PDE1A: variants seen among roughly 807,000 people sequenced by gnomAD.
PDE1A encodes dual specificity calcium/calmodulin-dependent 3',5'-cyclic nucleotide phosphodiesterase 1A.
Under a neutral mutation model 61.7 loss-of-function variants are expected in PDE1A, and 35 were observed. That is an observed-to-expected ratio of 0.57 (90% CI 0.43 to 0.75). The LOEUF is 0.75. Ranked by LOEUF, PDE1A falls within the 30% of genes least tolerant of loss-of-function variation. The pLI is 0.00. For synonymous variants in PDE1A, 232 were observed against 213.2 expected, an observed-to-expected ratio of 1.09 and a Z score of -0.77; for missense variants, 597 against 630.6, an observed-to-expected ratio of 0.95 and a Z score of 0.57.
chr2:182,294,638 C>T (rs2125897366), intron 1 of PDE1A, among the ~76,000 whole-genome samples: 1 of 152,282 alleles, frequency 6.6e-6, no homozygotes, highest in African/African-American at 2.4e-5. Flanking sequence ...TCAGCATCAG[C>T]TAATCGGGCA....
At chr2:182,283,623 T>G (rs1693968974) in intron 1 of PDE1A, among the ~76,000 whole-genome samples, 1 of 152,072 alleles carries the variant, frequency 6.6e-6, no homozygotes, top group Non-Finnish European at 1.5e-5. Context: ...ATCTTGAGTT[T>G]TACAAAGATA....
chr2:182,499,807 G>C (rs1688980929), intron 2 of PDE1A, among the ~76,000 whole-genome samples: 1 of 152,158 alleles, frequency 6.6e-6, no homozygotes, highest in Middle Eastern at 3.4e-3. Flanking sequence ...GGAACTATTG[G>C]AGAAGCTCAT....
intron 13 of PDE1A, among the ~76,000 whole-genome samples, chr2:182,182,241 A>G (rs1035018274): frequency 2.6e-5 from 4 of 152,214 alleles, no homozygotes; most frequent in Non-Finnish European, 4.4e-5. Flanking sequence ...AAAACCAAAA[A>G]GCCTGGCATC....
At chr2:182,270,914 G>A (rs1318502712) in intron 1 of PDE1A, among the ~76,000 whole-genome samples, 1 of 151,754 alleles carries the variant, frequency 6.6e-6, no homozygotes. Flanking sequence ...CGATGCTCAG[G>A]AAATTAAACC....
At chr2:182,636,179 C>G in the PDE1A span, among the ~76,000 whole-genome samples, 1 of 151,608 alleles carries the variant, frequency 6.6e-6, no homozygotes, top group Non-Finnish European at 1.5e-5. Context: ...AGGATGGTCT[C>G]GATCTCCTGA....
intron 1 of PDE1A, among the ~76,000 whole-genome samples, chr2:182,317,441 A>T (rs961792010): frequency 6.6e-6 from 1 of 152,122 alleles, no homozygotes; most frequent in Non-Finnish European, 1.5e-5. Context: ...TGCCATGGCA[A>T]ATTCTAAAAT....
At chr2:182,679,876 C>T in the PDE1A span, among the ~76,000 whole-genome samples, 307 of 152,116 alleles carry the variant, frequency 2.0e-3, 1 homozygote, top group Middle Eastern at 6.8e-3. Flanking sequence ...GAACAGGAAA[C>T]CCCTGAAATA....
At chr2:182,481,927 C>T (rs1574764518) in intron 2 of PDE1A, among the ~76,000 whole-genome samples, 1 of 151,842 alleles carries the variant, frequency 6.6e-6, no homozygotes, top group East Asian at 1.9e-4. Flanking sequence ...CAGCTCAATC[C>T]CTTGGCAGCT....
chr2:182,380,679 T>C (rs1700682859), intron 1 of PDE1A, among the ~76,000 whole-genome samples: 1 of 152,252 alleles, frequency 6.6e-6, no homozygotes, highest in Non-Finnish European at 1.5e-5. Context: ...TGAACATTTG[T>C]AGAATTTTTA....
chr2:182,467,919 C>T (rs767500345), intron 2 of PDE1A, among the ~76,000 whole-genome samples: 13 of 152,086 alleles, frequency 8.5e-5, no homozygotes, highest in Non-Finnish European at 1.6e-4. Flanking sequence ...GTTATGTTTA[C>T]ACTCTACAGT....
intron 2 of PDE1A, among the ~76,000 whole-genome samples, chr2:182,515,925 C>G (rs537846280): frequency 1.3e-5 from 2 of 149,366 alleles, no homozygotes; most frequent in Non-Finnish European, 3.0e-5. Context: ...AGGGCTTCAC[C>G]ACTAGGGATT....
At chr2:182,602,992 CACAT>C in the PDE1A span, among the ~76,000 whole-genome samples, 3,239 of 130,418 alleles carry the variant, frequency 0.025, 73 homozygotes, top group Admixed American at 0.074. Flanking sequence ...CACACACACA[CACAT>C]ACATACATAC....
At chr2:182,600,986 A>G in the PDE1A span, among the ~76,000 whole-genome samples, 1 of 152,210 alleles carries the variant, frequency 6.6e-6, no homozygotes, top group African/African-American at 2.4e-5. Flanking sequence ...CTAGTCTGCT[A>G]AATAATAAAA....
chr2:182,551,190 G>T, the PDE1A span, among the ~76,000 whole-genome samples: 8 of 152,254 alleles, frequency 5.3e-5, no homozygotes, highest in Admixed American at 2.6e-4. Flanking sequence ...TGCAAAGAAA[G>T]CTCAGAGCAA....
chr2:182,145,765 A>C (rs574289467), downstream of PDE1A, among the ~76,000 whole-genome samples: 1 of 152,268 alleles, frequency 6.6e-6, no homozygotes, highest in Admixed American at 6.5e-5. Context: ...AAGGTACTTC[A>C]TATACAAGAT....
chr2:182,573,627 T>A, the PDE1A span, among the ~76,000 whole-genome samples: 11 of 152,056 alleles, frequency 7.2e-5, no homozygotes, highest in East Asian at 2.1e-3. Context: ...TAGTGAGGAA[T>A]ATACGACATT....
chr2:182,153,663 T>C (rs1690912975), intron 13 of PDE1A, among the ~76,000 whole-genome samples: 1 of 152,200 alleles, frequency 6.6e-6, no homozygotes. Context: ...AGAGAAGCTC[T>C]GGAGTGGTGA....
chr2:182,342,028 C>T (rs1418807692), intron 1 of PDE1A, among the ~76,000 whole-genome samples: 1 of 152,088 alleles, frequency 6.6e-6, no homozygotes, highest in East Asian at 1.9e-4. Flanking sequence ...TTCAGCTTCC[C>T]AAAGCACTGG....
At chr2:182,636,442 G>A in the PDE1A span, among the ~76,000 whole-genome samples, 2 of 152,052 alleles carry the variant, frequency 1.3e-5, no homozygotes, top group African/African-American at 4.8e-5. Context: ...TGTACGGGAA[G>A]TTCAGAAACG....
Sources: allele counts gnomAD v4.1 joint callset (sites outside exome capture counted in the v4.1 genomes callset), GRCh38; gene constraint gnomAD v4.1.1; transcripts MANE v1.5; gene names NCBI Gene and HGNC (gene_info 2026-07-23, HGNC 2026-07-21).